The following SLC25A26 variants were observed in gnomAD, a reference collection of about 807,000 sequenced individuals.
The protein encoded by SLC25A26 is mitochondrial S-adenosylmethionine carrier protein.
Under a neutral mutation model 37.8 loss-of-function variants are expected in SLC25A26, and 36 were observed. That is an observed-to-expected ratio of 0.95 (90% CI 0.73 to 1.26). The LOEUF is 1.26. SLC25A26 is among the 50% of genes most tolerant of loss of function. The pLI is 0.00. For missense variants in SLC25A26, 390 were observed against 331.1 expected (o/e 1.18, Z -1.38); for synonymous variants, 129 against 122.5 (o/e 1.05, Z -0.35).
chr3:66,247,741 A>G (rs2072914617), intron 3 of SLC25A26, among the ~76,000 whole-genome samples: 1 of 152,210 alleles, frequency 6.6e-6, no homozygotes, highest in Admixed American at 6.5e-5. Flanking sequence ...TCCTGAAGCC[A>G]TTCAGTATGA....
At chr3:66,136,125 C>T (rs1490420549) in intron 1 of SLC25A26, among the ~76,000 whole-genome samples, 1 of 152,206 alleles carries the variant, frequency 6.6e-6, no homozygotes, top group African/African-American at 2.4e-5. Flanking sequence ...GGACAGTCAA[C>T]TGATTTTCCT....
intron 2 of SLC25A26, among the ~76,000 whole-genome samples, chr3:66,240,982 C>T (rs563760111): frequency 2.4e-4 from 36 of 151,980 alleles, no homozygotes; most frequent in African/African-American, 7.2e-4. Context: ...CTCCTGACCT[C>T]GTGATCCACC....
chr3:66,206,275 A>C (rs1385009525), intron 1 of SLC25A26, among the ~76,000 whole-genome samples: 1 of 152,162 alleles, frequency 6.6e-6, no homozygotes, highest in African/African-American at 2.4e-5. Flanking sequence ...TGCAACATCT[A>C]CTAAAAAATC....
intron 5 of SLC25A26, among the ~76,000 whole-genome samples, chr3:66,318,332 T>G (rs1191655379): frequency 6.6e-6 from 1 of 152,180 alleles, no homozygotes; most frequent in Non-Finnish European, 1.5e-5. Context: ...CCTGCTGATC[T>G]GTGGATTGCA....
intron 1 of SLC25A26, among the ~76,000 whole-genome samples, chr3:66,195,208 C>CT (rs1349923746): frequency 2.0e-4 from 31 of 152,206 alleles, no homozygotes; most frequent in Non-Finnish European, 3.2e-4. Context: ...CCCATACCCC[C>CT]TACCCAGAAT....
At chr3:66,161,215 A>G (rs977563654) in intron 1 of SLC25A26, among the ~76,000 whole-genome samples, 1 of 152,168 alleles carries the variant, frequency 6.6e-6, no homozygotes, top group Non-Finnish European at 1.5e-5. Context: ...TGAAACTGTC[A>G]ATTTGCTCTA....
At chr3:66,316,367 C>T (rs2075539386) in intron 5 of SLC25A26, among the ~76,000 whole-genome samples, 2 of 152,112 alleles carry the variant, frequency 1.3e-5, no homozygotes, top group African/African-American at 2.4e-5. Flanking sequence ...TTCTCCTTTG[C>T]TTATGAGGCT....
intron 1 of SLC25A26, among the ~76,000 whole-genome samples, chr3:66,177,724 A>G (rs1474551278): frequency 1.3e-5 from 2 of 152,230 alleles, no homozygotes; most frequent in Non-Finnish European, 2.9e-5. Context: ...TTGAAGAGTA[A>G]TGCAAAGTAA....
At chr3:66,295,048 C>T (rs1377271442) in intron 5 of SLC25A26, among the ~76,000 whole-genome samples, 1 of 152,096 alleles carries the variant, frequency 6.6e-6, no homozygotes, top group African/African-American at 2.4e-5. Context: ...TGGTTGGATA[C>T]AGAATAAAAA....
At chr3:66,341,801 G>A (rs918174773) in intron 5 of SLC25A26, among the ~76,000 whole-genome samples, 3 of 151,708 alleles carry the variant, frequency 2.0e-5, no homozygotes, top group Admixed American at 6.6e-5. Context: ...CTTTATGTAC[G>A]GTGTAAATAA....
chr3:66,145,255 C>T (rs1229046992), intron 1 of SLC25A26, among the ~76,000 whole-genome samples: 7 of 152,136 alleles, frequency 4.6e-5, no homozygotes, highest in South Asian at 2.1e-4. Flanking sequence ...GGAGTCTGAA[C>T]GGCTCATAAG....
chr3:66,341,188 C>A (rs1022116643), intron 5 of SLC25A26, among the ~76,000 whole-genome samples: 2 of 152,018 alleles, frequency 1.3e-5, no homozygotes, highest in African/African-American at 4.8e-5. Context: ...CAGTCTGTCA[C>A]CATTAAGAAT....
At chr3:66,349,750 A>G (rs1036549324) in intron 6 of SLC25A26, among the ~76,000 whole-genome samples, 1 of 152,168 alleles carries the variant, frequency 6.6e-6, no homozygotes, top group African/African-American at 2.4e-5. Context: ...CAGAAGGTGT[A>G]TGTTTAATTT....
chr3:66,294,861 A>G (rs1003795586), intron 5 of SLC25A26, among the ~76,000 whole-genome samples: 1 of 152,226 alleles, frequency 6.6e-6, no homozygotes, highest in African/African-American at 2.4e-5. Context: ...GTTTGTGGAC[A>G]GTAAAGAATC....
intron 1 of SLC25A26, among the ~76,000 whole-genome samples, chr3:66,232,291 A>G (rs2072071493): frequency 6.6e-6 from 1 of 152,036 alleles, no homozygotes; most frequent in Non-Finnish European, 1.5e-5. Context: ...ATATTTTCAT[A>G]TTTTTGTTAG....
In SLC25A26 at chr3:66,377,776, T is replaced by G. The variant is rs780518288; in HGVS notation, c.794T>G (p.Leu265Trp). The part of the protein sequence containing the change: ...FLGAYDRTHS[L>W]LLEVGRKSP ...GGGGCTTATGACCGAACGCACAGCT[T>G]GCTGTTGGAAGTTGGCAGAAAGAGT... The change falls in exon 10 of 10, where the codon TTG (leucine) becomes TGG (tryptophan). Residue 265 changes from leucine to tryptophan, a missense_variant. Coordinates refer to ENST00000354883, the MANE Select transcript of SLC25A26 (RefSeq NM_001379210.1). 8.1e-6 allele frequency: 13 copies of G among 1,613,704 alleles called. No homozygotes were observed. Among genetic ancestry groups the G allele is most frequent in the Non-Finnish European group, 1.1e-5 (13 of 1,179,842 alleles).
At chr3:66,375,977 C>G (rs911015997) in intron 9 of SLC25A26, among the ~76,000 whole-genome samples, 7 of 150,564 alleles carry the variant, frequency 4.6e-5, no homozygotes, top group African/African-American at 1.5e-4. Context: ...CATAGGAGGT[C>G]AAAATATTGA....
At chr3:66,370,920 A>G (rs1038317873) in intron 9 of SLC25A26, among the ~76,000 whole-genome samples, 5 of 152,212 alleles carry the variant, frequency 3.3e-5, no homozygotes, top group Non-Finnish European at 2.9e-5. Flanking sequence ...CAGAAATACA[A>G]GGGAGTGAAG....
intron 1 of SLC25A26, among the ~76,000 whole-genome samples, chr3:66,182,726 G>A (rs868329819): frequency 1.5e-5 from 2 of 137,476 alleles, no homozygotes; most frequent in Admixed American, 7.2e-5. Flanking sequence ...CGGGGGGGGG[G>A]GGTGGGGTAT....
Sources: allele counts gnomAD v4.1 joint callset (sites outside exome capture counted in the v4.1 genomes callset), GRCh38; gene constraint gnomAD v4.1.1; transcripts MANE v1.5; gene names NCBI Gene and HGNC (gene_info 2026-07-23, HGNC 2026-07-21).